PCLO: variants seen among roughly 807,000 people sequenced by gnomAD.
The protein encoded by PCLO is piccolo presynaptic cytomatrix protein, also known as protein piccolo.
Under a neutral mutation model 427.5 loss-of-function variants are expected in PCLO, and 82 were observed. The observed-to-expected ratio is 0.19, with a 90% CI of 0.16 to 0.23. The LOEUF (loss-of-function observed/expected upper bound fraction) is 0.23. Ranked by LOEUF, PCLO falls within the 10% of genes least tolerant of loss-of-function variation. PCLO has a pLI of 1.00. For missense variants in PCLO, 6,239 were observed against 6,115.9 expected, an observed-to-expected ratio of 1.02 and a Z score of -0.67; for synonymous variants, 2,357 against 2,155.4, an observed-to-expected ratio of 1.09 and a Z score of -2.59.
chr7:82,956,027 T>A lies in PCLO; in HGVS notation c.4926A>T (p.Glu1642Asp). The A allele has an allele frequency of 2.5e-6, 4 of 1,613,218 alleles. No homozygotes were observed. Among genetic ancestry groups the A allele is most frequent in the Non-Finnish European group, 3.4e-6 (4 of 1,179,876 alleles). The change falls in exon 5 of 25, where the codon GAA becomes GAT. Residue 1642 changes from glutamate to aspartate, a missense_variant. This residue lies in a region of PCLO where 4,677 missense variants were observed against 4,468.4 expected (regional missense o/e 1.05). Coordinates refer to ENST00000333891, the MANE Select transcript of PCLO (RefSeq NM_033026.6). ...EDDEAFDESP[E>D]LKYRETKSQE... ...GACTTTTAGTTTCTCTGTATTTAAGTTCAGGACTTTCATCAAATGCTTCAT... is the reference window on the plus strand; with the variant it reads ...GACTTTTAGTTTCTCTGTATTTAAGATCAGGACTTTCATCAAATGCTTCAT...
At chr7:82,918,571 T>C (rs886334521) in intron 6 of PCLO, among the ~76,000 whole-genome samples, 3 of 152,048 alleles carry the variant, frequency 2.0e-5, no homozygotes, top group Admixed American at 1.3e-4. Context: ...AATATTAACA[T>C]AGATATGTCA....
chr7:83,054,965 G>T (rs1400187139), intron 3 of PCLO, among the ~76,000 whole-genome samples: 1 of 151,944 alleles, frequency 6.6e-6, no homozygotes, highest in Non-Finnish European at 1.5e-5. Flanking sequence ...TTAAACATCA[G>T]GTATCTTGTA....
At chr7:82,826,058 T>C (rs1444623862) in intron 18 of PCLO, among the ~76,000 whole-genome samples, 1 of 151,284 alleles carries the variant, frequency 6.6e-6, no homozygotes, top group Non-Finnish European at 1.5e-5. Flanking sequence ...TATATATTTA[T>C]GGGGTATATG....
At chr7:83,071,556 C>T (rs1221073120) in intron 3 of PCLO, among the ~76,000 whole-genome samples, 1 of 152,138 alleles carries the variant, frequency 6.6e-6, no homozygotes, top group Non-Finnish European at 1.5e-5. Context: ...TATCTCTGTT[C>T]TTCTCCCTCA....
At chr7:82,854,732 T>C (rs1194714200) in intron 10 of PCLO, among the ~76,000 whole-genome samples, 1 of 152,198 alleles carries the variant, frequency 6.6e-6, no homozygotes, top group East Asian at 1.9e-4. Context: ...GATATCTTTT[T>C]AAATCGCTCA....
chr7:82,989,481 AAT>A (rs762096818), intron 3 of PCLO, among the ~76,000 whole-genome samples: 1 of 152,150 alleles, frequency 6.6e-6, no homozygotes, highest in Non-Finnish European at 1.5e-5. Context: ...GATTCAAATT[AAT>A]ATATTTGAAT....
At chr7:82,774,786 T>C (rs1790714856) in intron 22 of PCLO, among the ~76,000 whole-genome samples, 1 of 152,110 alleles carries the variant, frequency 6.6e-6, no homozygotes, top group Non-Finnish European at 1.5e-5. Context: ...TAAATTAAGG[T>C]TCATTCTTGT....
intron 4 of PCLO, among the ~76,000 whole-genome samples, chr7:82,960,771 C>T (rs10254722): frequency 0.06 from 9,166 of 151,790 alleles, 915 homozygotes; most frequent in African/African-American, 0.21. Flanking sequence ...ATAATATGAA[C>T]GACACAAATG....
chr7:82,921,416 A>C (rs1794592849), intron 6 of PCLO, among the ~76,000 whole-genome samples: 1 of 152,026 alleles, frequency 6.6e-6, no homozygotes, highest in Admixed American at 6.6e-5. Flanking sequence ...AATGGAACAG[A>C]ATATAGAACC....
In PCLO at chr7:82,978,815, C is replaced by A. The variant is rs566494033; in HGVS notation, c.3301-12328G>T. On this transcript the variant is annotated intron_variant, in intron 3 of 24. Coordinates refer to ENST00000333891, the MANE Select transcript of PCLO (RefSeq NM_033026.6). ...GATTTGGAAAACAAAGAAAAATGAA[C>A]CAAAGCTCCAGGAACAAGAAACACA... Among the ~76,000 whole-genome samples the A allele has an allele frequency of 7.5e-5, 11 of 146,930 alleles. No individual in the cohort carries two copies. In the South Asian group the frequency reaches 2.4e-3, roughly 32 times the overall value.
intron 3 of PCLO, among the ~76,000 whole-genome samples, chr7:83,008,621 C>T (rs1374358216): frequency 6.6e-6 from 1 of 151,584 alleles, no homozygotes; most frequent in African/African-American, 2.4e-5. Flanking sequence ...TCGTGGATTC[C>T]TGAAAAGGCT....
Position 82,902,727 on chromosome 7 carries a change from G to A in PCLO, c.13452C>T (p.Asn4484=), listed in dbSNP as rs776133657. ...GAAAGATGTAGTGCATAGTTTTCCC[G>A]TTCATCTGTATAATCTAAGACATAC... is the stretch of plus-strand genomic sequence containing the variant. ...SQHQEQIIQM[N]GKTMHYIFPH... Residue 4484 remains asparagine (N), a synonymous_variant, in exon 9 of 25, where the codon AAC becomes AAT. Transcript: ENST00000333891. 7 of 1,584,420 alleles carry A rather than the reference G, an allele frequency of 4.4e-6. No homozygotes were observed. The highest frequency in any genetic ancestry group is 1.7e-5 in the Admixed American group (1 of 59,692).
At chr7:83,074,008 A>G (rs1789885821) in intron 3 of PCLO, among the ~76,000 whole-genome samples, 1 of 151,906 alleles carries the variant, frequency 6.6e-6, no homozygotes, top group Non-Finnish European at 1.5e-5. Context: ...TTAATTCAGC[A>G]TACTATTAAA....
At chr7:82,857,667 T>A (rs1463495179) in intron 10 of PCLO, among the ~76,000 whole-genome samples, 1 of 152,136 alleles carries the variant, frequency 6.6e-6, no homozygotes, top group Non-Finnish European at 1.5e-5. Context: ...TACTGAGGTA[T>A]AACTTTAAAG....
At chr7:82,890,058 T>C (rs1793721813) in intron 9 of PCLO, among the ~76,000 whole-genome samples, 1 of 151,434 alleles carries the variant, frequency 6.6e-6, no homozygotes, top group African/African-American at 2.4e-5. Flanking sequence ...TATATATACA[T>C]ACATGCAAAT....
chr7:83,012,927 C>A (rs1466309287), intron 3 of PCLO, among the ~76,000 whole-genome samples: 1 of 152,036 alleles, frequency 6.6e-6, no homozygotes, highest in Non-Finnish European at 1.5e-5. Context: ...GGAGTTCAAC[C>A]AATGCAGAGA....
intron 2 of PCLO, among the ~76,000 whole-genome samples, chr7:83,147,381 A>G (rs1020930471): frequency 3.9e-5 from 6 of 152,188 alleles, no homozygotes; most frequent in African/African-American, 1.4e-4. Flanking sequence ...TATGAACAAT[A>G]CCACAGAGAT....
At position 82,780,672 on chromosome 7, in the gene PCLO, C is replaced by A. The variant is rs1185776952; in HGVS notation, c.15008-19179G>T. Among the ~76,000 whole-genome samples the A allele has an allele frequency of 2.0e-5, 3 of 152,164 alleles. No homozygotes were observed. In the East Asian group the frequency reaches 5.8e-4, roughly 29 times the overall value. ...TCGCCATTCTCCTGCCTCAGCCTCGCGAGTGGCTTATTTGTTCTTATTCTC... is the reference window on the plus strand; with the variant it reads ...TCGCCATTCTCCTGCCTCAGCCTCGAGAGTGGCTTATTTGTTCTTATTCTC... On this transcript the variant is annotated intron_variant, in intron 22 of 24. Transcript: ENST00000333891.
Position 82,953,841 on chromosome 7 carries a change from T to A in PCLO, c.7112A>T (p.Lys2371Ile), listed in dbSNP as rs1174176073. Residue 2371 changes from lysine to isoleucine, a missense_variant, in exon 5 of 25, where the codon AAA becomes ATA. By Grantham distance (102) the Lys-to-Ile change is moderately radical. This residue lies in a region of PCLO where 4,677 missense variants were observed against 4,468.4 expected (regional missense o/e 1.05). Coordinates refer to ENST00000333891, the MANE Select transcript of PCLO (RefSeq NM_033026.6). ...FTSGETFGQE[K>I]PASQLPSGSP... ...GCCAGATGGTAACTGAGATGCAGGT[T>A]TTTCCTGACCAAAGGTCTCTCCAGA... The A allele has an allele frequency of 1.2e-6, 2 of 1,613,202 alleles. No homozygotes were observed. The highest frequency in any genetic ancestry group is 3.3e-5 in the Admixed American group (2 of 59,902).
Sources: gnomAD v4.1 joint callset for allele counts (sites outside exome capture counted in the v4.1 genomes callset) on GRCh38, gnomAD v4.1.1 for gene constraint, gnomAD v4.1.1 regional missense constraint, MANE v1.5 for transcripts, NCBI Gene and HGNC (gene_info 2026-07-23, HGNC 2026-07-21) for gene names.